CNGB1: variants seen among roughly 807,000 people sequenced by gnomAD.
The protein encoded by CNGB1 is cyclic nucleotide gated channel subunit beta 1, also known as cyclic nucleotide-gated channel beta-1.
CNGB1 carries 126 observed loss-of-function variants against 151.7 expected under a neutral mutation model. The observed-to-expected ratio is 0.83, with a 90% CI of 0.72 to 0.96. CNGB1 has a LOEUF of 0.96. Among genes scored for constraint, CNGB1 ranks in the 40% least tolerant of loss-of-function variants. CNGB1 has a pLI of 0.00. For synonymous variants in CNGB1, 623 were observed against 635.1 expected, an observed-to-expected ratio of 0.98 and a Z score of 0.29; for missense variants, 1,698 against 1,627.0, an observed-to-expected ratio of 1.04 and a Z score of -0.75.
chr16:57,931,291 T>C (rs928255477), intron 17 of CNGB1, among the ~76,000 whole-genome samples: 2 of 152,042 alleles, frequency 1.3e-5, no homozygotes, highest in Non-Finnish European at 2.9e-5. Flanking sequence ...TAGCTGGGAT[T>C]ACAGGAGTGA....
At chr16:57,943,361 A>C (rs1961719611) in intron 14 of CNGB1, among the ~76,000 whole-genome samples, 1 of 152,224 alleles carries the variant, frequency 6.6e-6, no homozygotes, top group Non-Finnish European at 1.5e-5. Context: ...CTCACCTGTT[A>C]GAATGGCAAT....
chr16:57,883,766 G>T lies in CNGB1; in HGVS notation c.*398C>A. 1 of 282,328 alleles carries T rather than the reference G, an allele frequency of 3.5e-6. No homozygotes were observed. Among genetic ancestry groups the T allele is most frequent in the South Asian group, 3.8e-5 (1 of 26,482 alleles). 17.5% of individuals were successfully genotyped at this position (282,328 alleles called of 1,614,324 possible). A position where few individuals can be genotyped will look rare whatever the true frequency, so the allele number is the denominator to read the frequency against. ...AATGTGTTAGACAAATTCCTGAGGG[G>T]AAACCCCACACATTCAATAACACTT... On this transcript the variant is annotated 3_prime_UTR_variant, in exon 33 of 33. Coordinates refer to ENST00000251102, the MANE Select transcript of CNGB1 (RefSeq NM_001297.5).
At chr16:57,908,999 GGTGCACACCT>G (rs1419826696) in intron 25 of CNGB1, among the ~76,000 whole-genome samples, 3 of 152,188 alleles carry the variant, frequency 2.0e-5, no homozygotes, top group African/African-American at 7.2e-5. Flanking sequence ...CTTAAAATGA[GGTGCACACCT>G]GTAACTCTAG....
intron 31 of CNGB1, among the ~76,000 whole-genome samples, chr16:57,888,369 C>A (rs1314729671): frequency 6.6e-6 from 1 of 152,060 alleles, no homozygotes; most frequent in Non-Finnish European, 1.5e-5. Flanking sequence ...CTACGAAATT[C>A]TTCTCTTTCC....
At chr16:57,958,523 A>G in intron 10 of CNGB1, 38 bp from the exon 11 acceptor site, 1 of 1,574,274 alleles carries the variant, frequency 6.4e-7, no homozygotes. Context: ...CCAGGTGGGA[A>G]GGGTCATGGG....
At chr16:57,963,123 G>C in intron 4 of CNGB1, 59 bp from the exon 5 acceptor site, 1 of 1,249,824 alleles carries the variant, frequency 8.0e-7, no homozygotes, top group Non-Finnish European at 1.2e-6. Context: ...TGAGGCCCTC[G>C]AGGCCCAAGA....
chr16:57,928,523 T>C (rs1042436447), intron 17 of CNGB1, among the ~76,000 whole-genome samples: 2 of 152,204 alleles, frequency 1.3e-5, no homozygotes, highest in African/African-American at 4.8e-5. Flanking sequence ...TTCAAGACCA[T>C]GGGCCTAACC....
At chr16:57,940,178 C>T in intron 15 of CNGB1, 56 bp downstream of exon 15, 1 of 1,486,900 alleles carries the variant, frequency 6.7e-7, no homozygotes, top group Non-Finnish European at 9.2e-7. Context: ...GGTCCCCATC[C>T]TTCCACCAAT....
rs1959790497 is a variant in CNGB1 at position 57,882,773 on chromosome 16, C to T, written c.*1391G>A. The T allele has an allele frequency of 6.6e-6, 1 of 151,004 alleles. No individual in the cohort carries two copies. The highest frequency in any genetic ancestry group is 2.4e-5 in the African/African-American group (1 of 41,144). The allele number at this position is 151,004 out of a possible 1,614,324, so 9.4% of individuals were successfully genotyped here. The stretch of plus-strand genomic sequence containing the variant: ...TGATAAATATTCATTCCCTGAATGA[C>T]CCTTTTTTCTTTTTTTTTCTTTTTT... On this transcript the variant is annotated 3_prime_UTR_variant, in exon 33 of 33. Coordinates refer to ENST00000251102, the MANE Select transcript of CNGB1 (RefSeq NM_001297.5).
intron 1 of CNGB1, among the ~76,000 whole-genome samples, chr16:57,968,507 A>C (rs1962454815): frequency 6.6e-6 from 1 of 152,088 alleles, no homozygotes; most frequent in Non-Finnish European, 1.5e-5. Flanking sequence ...AAAAATAATA[A>C]TAATAATAAT....
chr16:57,890,545 G>C (rs1449034529), intron 31 of CNGB1, among the ~76,000 whole-genome samples: 1 of 152,202 alleles, frequency 6.6e-6, no homozygotes, highest in Admixed American at 6.5e-5. Flanking sequence ...GGCATTTCCA[G>C]ATTAGGGAAA....
chr16:57,961,050 G>A (rs1962242605), intron 7 of CNGB1, 135 bp from the exon 8 acceptor site: 4 of 800,892 alleles, frequency 5.0e-6, no homozygotes, highest in Non-Finnish European at 8.4e-6. Flanking sequence ...GCCTTGTCCT[G>A]GAAACTCTCA....
At chr16:57,904,254 C>T (rs2149358768) in intron 26 of CNGB1, among the ~76,000 whole-genome samples, 1 of 152,260 alleles carries the variant, frequency 6.6e-6, no homozygotes, top group East Asian at 1.9e-4. Context: ...GGGAAAGCTC[C>T]TTGGGCTGGG....
chr16:57,905,021 C>G (rs1335331646), intron 25 of CNGB1, 146 bp from the exon 26 acceptor site: 2 of 986,148 alleles, frequency 2.0e-6, no homozygotes, highest in African/African-American at 1.6e-5. Flanking sequence ...AAAACCACCT[C>G]CTGCACGTGT....
At chr16:57,900,888 T>C (rs1960365505) in intron 29 of CNGB1, among the ~76,000 whole-genome samples, 1 of 151,684 alleles carries the variant, frequency 6.6e-6, no homozygotes, top group Admixed American at 6.6e-5. Context: ...AATACCTGTG[T>C]GCTGGATCTT....
chr16:57,960,605 G>A, intron 8 of CNGB1, 75 bp from the exon 9 acceptor site: 1 of 1,578,522 alleles, frequency 6.3e-7, no homozygotes, highest in South Asian at 1.1e-5. Flanking sequence ...ACTACCAGCT[G>A]TGTCCTGGCC....
chr16:57,921,702 C>T (rs1235480451), intron 18 of CNGB1, among the ~76,000 whole-genome samples: 1 of 152,164 alleles, frequency 6.6e-6, no homozygotes, highest in East Asian at 1.9e-4. Flanking sequence ...CAACTAGGGG[C>T]CTCCTTACTG....
At chr16:57,917,808 A>T (rs999098161) in intron 20 of CNGB1, among the ~76,000 whole-genome samples, 1 of 151,908 alleles carries the variant, frequency 6.6e-6, no homozygotes, top group Non-Finnish European at 1.5e-5. Flanking sequence ...ACTTAAAAAA[A>T]AAAACACAAC....
intron 18 of CNGB1, among the ~76,000 whole-genome samples, chr16:57,921,187 T>G (rs1309878190): frequency 6.6e-6 from 1 of 150,384 alleles, no homozygotes; most frequent in Non-Finnish European, 1.5e-5. Flanking sequence ...TGAGCTCAAC[T>G]GAGGAAGACG....
Sources: allele counts gnomAD v4.1 joint callset (sites outside exome capture counted in the v4.1 genomes callset), GRCh38; gene constraint gnomAD v4.1.1; transcripts MANE v1.5; gene names NCBI Gene and HGNC (gene_info 2026-07-23, HGNC 2026-07-21).